The following ADAM18 variants were observed in gnomAD, a reference collection of about 807,000 sequenced individuals.
ADAM18 encodes the protein ADAM metallopeptidase domain 18, also known as disintegrin and metalloproteinase domain-containing protein 18.
Under a neutral mutation model 94.4 loss-of-function variants are expected in ADAM18, and 117 were observed. The observed-to-expected ratio is 1.24, with a 90% CI of 1.07 to 1.45. The LOEUF is 1.45. Ranked by LOEUF, ADAM18 falls within the 40% of genes most tolerant of loss-of-function variation. The probability of loss-of-function intolerance (pLI) is 0.00; values close to 1 mark genes in which losing one functional copy is unlikely to be tolerated. For missense variants in ADAM18, 936 were observed against 880.0 expected (o/e 1.06, Z -0.81); for synonymous variants, 327 against 291.6 (o/e 1.12, Z -1.24).
At chr8:39,586,773 T>TATC (rs993959955) in intron 2 of ADAM18, among the ~76,000 whole-genome samples, 3 of 127,380 alleles carry the variant, frequency 2.4e-5, no homozygotes, top group South Asian at 2.6e-4. Context: ...TCTATCTATC[T>TATC]ATCTATCTAT....
Position 39,668,822 on chromosome 8 carries a change from T to C in ADAM18, c.1525+626T>C, listed in dbSNP as rs539396887. On this transcript the variant is annotated intron_variant, in intron 14 of 19. Coordinates refer to ENST00000265707, the MANE Select transcript of ADAM18 (RefSeq NM_014237.3). Reference sequence around the variant, plus strand: ...TTACCCAGTGAAATGCATATATATATAATTATTTTCTAGTTGAGTAAAGGT... The same window carrying C: ...TTACCCAGTGAAATGCATATATATACAATTATTTTCTAGTTGAGTAAAGGT... Among the ~76,000 whole-genome samples the C allele has an allele frequency of 3.3e-5, 5 of 152,266 alleles. No homozygotes were observed. The South Asian group carries it at 1.0e-3, about 32-fold the overall frequency.
At chr8:39,680,534 T>A (rs1367711278) in intron 16 of ADAM18, among the ~76,000 whole-genome samples, 1 of 152,222 alleles carries the variant, frequency 6.6e-6, no homozygotes, top group Non-Finnish European at 1.5e-5. Context: ...CCATTTTCCT[T>A]GCTTCACAAA....
chr8:39,611,992 A>G (rs1001683173), intron 6 of ADAM18, among the ~76,000 whole-genome samples: 2 of 152,174 alleles, frequency 1.3e-5, no homozygotes, highest in Non-Finnish European at 2.9e-5. Context: ...GCAAGACATG[A>G]AAAAAATGAA....
At chr8:39,643,449 C>T (rs1820289939) in intron 10 of ADAM18, among the ~76,000 whole-genome samples, 1 of 152,172 alleles carries the variant, frequency 6.6e-6, no homozygotes, top group East Asian at 1.9e-4. Flanking sequence ...CTTCCCCATT[C>T]CTGGGCACTT....
intron 17 of ADAM18, among the ~76,000 whole-genome samples, chr8:39,702,279 G>T (rs1274265077): frequency 6.6e-6 from 1 of 152,026 alleles, no homozygotes; most frequent in East Asian, 1.9e-4. Context: ...ACTGTTGGCT[G>T]CATGTATGTC....
chr8:39,678,081 T>A (rs899348568), intron 15 of ADAM18, among the ~76,000 whole-genome samples: 21 of 152,176 alleles, frequency 1.4e-4, no homozygotes, highest in Non-Finnish European at 2.1e-4. Context: ...CTGTAATGAA[T>A]GCTTCCTTAA....
intron 11 of ADAM18, among the ~76,000 whole-genome samples, chr8:39,647,334 C>G (rs1484482495): frequency 6.6e-6 from 1 of 151,862 alleles, no homozygotes; most frequent in East Asian, 1.9e-4. Flanking sequence ...ATTTATGTTT[C>G]TCTCCTCCCA....
Position 39,677,475 on chromosome 8 carries a change from C to T in ADAM18, c.1570C>T (p.Leu524=), listed in dbSNP as rs747775445. 8 of 1,611,136 alleles carry T rather than the reference C, an allele frequency of 5.0e-6. No individual in the cohort carries two copies. Among genetic ancestry groups the T allele is most frequent in the Middle Eastern group, 1.7e-4 (1 of 6,036 alleles). ...TGCCTGTTTTAAAGAAGTTAATTCT[C>T]TGCATGAAAGATCTGAAAACTGTGG... ...PFACFKEVNS[L]HERSENCGFK... Residue 524 remains leucine (L), a synonymous_variant, in exon 15 of 20, where the codon CTG becomes TTG. Transcript: ENST00000265707.
intron 12 of ADAM18, among the ~76,000 whole-genome samples, chr8:39,661,151 CTTCT>C (rs1820822740): frequency 8.3e-6 from 1 of 120,648 alleles, no homozygotes; most frequent in South Asian, 3.0e-4. Flanking sequence ...GTTTCTTCTT[CTTCT>C]TTTTTTTTTT....
At position 39,725,505 on chromosome 8, in the gene ADAM18, G is replaced by A. The variant is rs925755432; in HGVS notation, c.2177+1598G>A. 6.6e-5 allele frequency among the ~76,000 whole-genome samples: 10 copies of A among 152,076 alleles called. No homozygotes were observed. The South Asian group carries it at 8.3e-4, about 13-fold the overall frequency. On this transcript the variant is annotated intron_variant, in intron 19 of 19. Coordinates refer to ENST00000265707, the MANE Select transcript of ADAM18 (RefSeq NM_014237.3). ...CACCACCTTCCCATTCTCTGCTCCCGCATCTCTTGGCAACCACTGTTCTAC... is the reference window on the plus strand; with the variant it reads ...CACCACCTTCCCATTCTCTGCTCCCACATCTCTTGGCAACCACTGTTCTAC...
At chr8:39,643,969 T>A (rs1364782060) in intron 10 of ADAM18, among the ~76,000 whole-genome samples, 1 of 151,984 alleles carries the variant, frequency 6.6e-6, no homozygotes, top group Non-Finnish European at 1.5e-5. Context: ...ACACTGTAAC[T>A]TTTAAGCATA....
intron 2 of ADAM18, among the ~76,000 whole-genome samples, chr8:39,588,904 A>G (rs142683975): frequency 6.6e-5 from 10 of 152,280 alleles, no homozygotes; most frequent in Non-Finnish European, 1.0e-4. Flanking sequence ...TGGTTTAGAT[A>G]TGGTCAGGAA....
intron 11 of ADAM18, among the ~76,000 whole-genome samples, chr8:39,647,404 C>T (rs376144559): frequency 3.3e-5 from 5 of 152,190 alleles, no homozygotes; most frequent in Admixed American, 1.3e-4. Context: ...TCTCGCCTCC[C>T]GCCATAGGGC....
At chr8:39,701,055 T>C (rs1455811418) in intron 17 of ADAM18, among the ~76,000 whole-genome samples, 1 of 127,090 alleles carries the variant, frequency 7.9e-6, no homozygotes, top group African/African-American at 2.9e-5. Flanking sequence ...GAGGCGGAGC[T>C]TGCAGTGAGC....
intron 3 of ADAM18, among the ~76,000 whole-genome samples, chr8:39,606,706 G>A (rs907266878): frequency 6.6e-6 from 1 of 152,150 alleles, no homozygotes; most frequent in Non-Finnish European, 1.5e-5. Context: ...CGTGTGAAGA[G>A]ACCACCAAAC....
intron 2 of ADAM18, among the ~76,000 whole-genome samples, chr8:39,596,325 T>C (rs187830737): frequency 1.7e-4 from 26 of 152,316 alleles, no homozygotes; most frequent in Admixed American, 1.6e-3. Flanking sequence ...CTTTGTGCTC[T>C]ACCTAATCAT....
chr8:39,592,441 A>T (rs978687868), intron 2 of ADAM18, among the ~76,000 whole-genome samples: 1 of 152,178 alleles, frequency 6.6e-6, no homozygotes, highest in African/African-American at 2.4e-5. Flanking sequence ...AACCAATCTA[A>T]ATGTCCACCA....
intron 10 of ADAM18, among the ~76,000 whole-genome samples, chr8:39,641,047 CA>C (rs1181374516): frequency 6.6e-6 from 1 of 151,974 alleles, no homozygotes; most frequent in African/African-American, 2.4e-5. Flanking sequence ...GGTTTTGTTG[CA>C]ATTGCTTTTG....
At position 39,610,565 on chromosome 8, in the gene ADAM18, T is replaced by C. The variant is rs1819242199; in HGVS notation, c.381T>C (p.Ile127=). 2 of 1,611,098 alleles carry C rather than the reference T, an allele frequency of 1.2e-6. No individual in the cohort carries two copies. The highest frequency in any genetic ancestry group is 1.7e-6 in the Non-Finnish European group (2 of 1,178,364). ...FLQFENISYG[I]EPVESSARFE... is the part of the protein sequence containing the mutation. ...AGTTTGAAAATATCAGTTATGGAAT[T>C]GAACCAGTAGAATCTTCAGCAAGAT... Residue 127 remains isoleucine (I), a synonymous_variant, in exon 6 of 20, where the codon ATT becomes ATC. Coordinates refer to ENST00000265707, the MANE Select transcript of ADAM18 (RefSeq NM_014237.3).
Sources: gnomAD v4.1 joint callset for allele counts (sites outside exome capture counted in the v4.1 genomes callset) on GRCh38, gnomAD v4.1.1 for gene constraint, MANE v1.5 for transcripts, NCBI Gene and HGNC (gene_info 2026-07-23, HGNC 2026-07-21) for gene names.